Variants in RTF2 observed in about 807,000 individuals in gnomAD.
The protein encoded by RTF2 is replication termination factor 2.
A neutral mutation model predicts 38.0 loss-of-function variants in RTF2; 18 were observed. The observed-to-expected ratio is 0.47, with a 90% CI of 0.33 to 0.70. The LOEUF (loss-of-function observed/expected upper bound fraction) is 0.70. Among genes scored for constraint, RTF2 ranks in the 30% least tolerant of loss-of-function variants. The probability of loss-of-function intolerance (pLI) is 0.02; values close to 1 mark genes in which losing one functional copy is unlikely to be tolerated. For synonymous variants in RTF2, 126 were observed against 137.1 expected, an observed-to-expected ratio of 0.92 and a Z score of 0.57; for missense variants, 311 against 379.6, an observed-to-expected ratio of 0.82 and a Z score of 1.50.
At chr20:56,513,693 C>G in intron 6 of RTF2, 1 of 358,924 alleles carries the variant, frequency 2.8e-6, no homozygotes, top group Admixed American at 3.6e-5. Flanking sequence ...ACGGAGCTGT[C>G]AGCAGGCTCC....
intron 5 of RTF2, among the ~76,000 whole-genome samples, chr20:56,490,040 A>G (rs1022793826): frequency 2.0e-5 from 3 of 152,228 alleles, no homozygotes; most frequent in Non-Finnish European, 4.4e-5. Context: ...TCCAAGGGGA[A>G]GAAAGATTTG....
In RTF2 at chr20:56,468,781, C is replaced by A; in HGVS notation, c.69+15C>A. On this transcript the variant is annotated intron_variant, in intron 1 of 8. Coordinates refer to ENST00000357348, the MANE Select transcript of RTF2 (RefSeq NM_016407.5). Reference sequence around the variant, plus strand: ...AGGTTGAGAAGGTCAGTGATGTGGGCCGGCTCTTGGCGACCGGGGGTGGTG... The same window carrying A: ...AGGTTGAGAAGGTCAGTGATGTGGGACGGCTCTTGGCGACCGGGGGTGGTG... 1 of 1,564,858 alleles carries A rather than the reference C, an allele frequency of 6.4e-7. No individual in the cohort carries two copies. The highest frequency in any genetic ancestry group is 8.7e-7 in the Non-Finnish European group (1 of 1,154,184).
intron 4 of RTF2, among the ~76,000 whole-genome samples, chr20:56,480,807 C>G (rs954263003): frequency 3.3e-5 from 5 of 152,184 alleles, no homozygotes; most frequent in African/African-American, 1.2e-4. Context: ...TCAAAACACA[C>G]ACATTTATTA....
chr20:56,515,593 GAGAGAGACACACACACACACAC>G (rs1200630880), intron 6 of RTF2: 75 of 113,820 alleles, frequency 6.6e-4, no homozygotes, highest in Non-Finnish European at 9.8e-4. Flanking sequence ...GAGAGAGAGA[GAGAGAGACACACACACACACAC>G]ACACACACAC....
chr20:56,490,163 C>G (rs2146334669), intron 5 of RTF2, among the ~76,000 whole-genome samples: 1 of 152,324 alleles, frequency 6.6e-6, no homozygotes, highest in Non-Finnish European at 1.5e-5. Flanking sequence ...GGCTATTTCA[C>G]ACAGTGACTT....
At chr20:56,514,852 A>G (rs1209773887) in intron 6 of RTF2, among the ~76,000 whole-genome samples, 1 of 152,210 alleles carries the variant, frequency 6.6e-6, no homozygotes, top group African/African-American at 2.4e-5. Context: ...GCAATATTAT[A>G]AGATGTTAAT....
At chr20:56,487,351 G>T (rs1982848739) in intron 5 of RTF2, among the ~76,000 whole-genome samples, 1 of 152,188 alleles carries the variant, frequency 6.6e-6, no homozygotes, top group Admixed American at 6.5e-5. Context: ...TGCACTTCAA[G>T]AGAAGGGAAG....
chr20:56,513,714 G>T, intron 6 of RTF2: 1 of 320,738 alleles, frequency 3.1e-6, no homozygotes, highest in Non-Finnish European at 6.1e-6. Flanking sequence ...AGAGACCATG[G>T]CCATAAAGCA....
At chr20:56,500,582 A>G (rs73289047) in intron 5 of RTF2, among the ~76,000 whole-genome samples, 1 of 152,160 alleles carries the variant, frequency 6.6e-6, no homozygotes, top group Non-Finnish European at 1.5e-5. Context: ...CCTCCCCTGT[A>G]TAGAGACAGG....
chr20:56,504,078 G>C (rs1269249018), intron 5 of RTF2: 1 of 152,358 alleles, frequency 6.6e-6, no homozygotes, highest in Non-Finnish European at 1.5e-5. Context: ...CTGGTTCCTG[G>C]AGGGGGAGTC....
At chr20:56,479,077 C>T (rs1982396957) in intron 4 of RTF2, among the ~76,000 whole-genome samples, 1 of 152,136 alleles carries the variant, frequency 6.6e-6, no homozygotes, top group South Asian at 2.1e-4. Flanking sequence ...ATTCTCTTGC[C>T]ATTCTACCAC....
chr20:56,472,687 G>C (rs953704811), intron 1 of RTF2, among the ~76,000 whole-genome samples: 1 of 149,044 alleles, frequency 6.7e-6, no homozygotes, highest in African/African-American at 2.5e-5. Context: ...TTTCTCTTTT[G>C]TATGGCCTCC....
rs1168211346 is a variant in RTF2, at chr20:56,519,163, A to G, written c.*898A>G. 1 of 152,180 alleles carries G rather than the reference A, an allele frequency of 6.6e-6. No individual in the cohort carries two copies. The highest frequency in any genetic ancestry group is 2.4e-5 in the African/African-American group (1 of 41,434). 9.4% of individuals were successfully genotyped at this position (152,180 alleles called of 1,614,324 possible). ...GTGGCTTTCTGCACACGGTGGTATG[A>G]CTGAGATAGTGACTGGTTCTCTATA... On this transcript the variant is annotated 3_prime_UTR_variant, in exon 9 of 9. Coordinates refer to ENST00000357348, the MANE Select transcript of RTF2 (RefSeq NM_016407.5).
At chr20:56,497,166 A>C in intron 5 of RTF2, 2 of 1,551,152 alleles carry the variant, frequency 1.3e-6, no homozygotes, top group East Asian at 4.9e-5. Flanking sequence ...CTTATACTTC[A>C]TTGGGGCCTT....
intron 1 of RTF2, 93 bp from the exon 2 acceptor site, chr20:56,473,208 G>A (rs1003250769): frequency 6.7e-6 from 6 of 895,990 alleles, no homozygotes; most frequent in Admixed American, 6.0e-5. Flanking sequence ...AATCATTACA[G>A]TGCGGTATTA....
At chr20:56,511,355 C>T (rs1984658581) in intron 5 of RTF2, among the ~76,000 whole-genome samples, 1 of 151,934 alleles carries the variant, frequency 6.6e-6, no homozygotes, top group South Asian at 2.1e-4. Flanking sequence ...ATCTAGGTTG[C>T]GTGCTGCTTA....
intron 5 of RTF2, among the ~76,000 whole-genome samples, chr20:56,487,332 T>C (rs557491068): frequency 2.7e-4 from 41 of 152,190 alleles, no homozygotes; most frequent in Non-Finnish European, 5.7e-4. Context: ...CTTTCAACAG[T>C]CTGTACCTTG....
intron 1 of RTF2, 83 bp downstream of exon 1, chr20:56,468,849 G>C: frequency 8.6e-7 from 1 of 1,164,984 alleles, no homozygotes; most frequent in Non-Finnish European, 1.2e-6. Flanking sequence ...TAAGAAGGGG[G>C]AGCCAGCGGA....
chr20:56,485,205 T>G (rs1982729041), intron 5 of RTF2, among the ~76,000 whole-genome samples: 1 of 152,016 alleles, frequency 6.6e-6, no homozygotes, highest in Non-Finnish European at 1.5e-5. Flanking sequence ...CAGAGGCATA[T>G]CTGGAGGTTT....
Sources: gnomAD v4.1 joint callset for allele counts (sites outside exome capture counted in the v4.1 genomes callset) on GRCh38, gnomAD v4.1.1 for gene constraint, MANE v1.5 for transcripts, NCBI Gene and HGNC (gene_info 2026-07-23, HGNC 2026-07-21) for gene names.